Variants in DNAH7 observed in about 807,000 individuals in gnomAD.
The protein encoded by DNAH7 is dynein axonemal heavy chain 7, also known as axonemal beta dynein heavy chain 7.
In DNAH7, 397 loss-of-function variants were observed where a neutral mutation model predicts 444.6. The ratio of observed to expected loss-of-function variants is 0.89; its 90% CI spans 0.82 to 0.97. The LOEUF is 0.97. Among genes scored for constraint, DNAH7 ranks in the 50% least tolerant of loss-of-function variants. The pLI, the probability that DNAH7 is intolerant of heterozygous loss-of-function variation, is 0.00. For synonymous variants in DNAH7, 1,636 were observed against 1,624.4 expected (o/e 1.01, Z -0.17); for missense variants, 4,902 against 4,800.8 (o/e 1.02, Z -0.62).
Position 195,796,802 on chromosome 2 carries a change from T to A in DNAH7, c.10354-65A>T, listed in dbSNP as rs1696163844. On this transcript the variant is annotated intron_variant, in intron 55 of 64. Transcript: ENST00000312428. ...TTTTAAGAAACATCAATATTGTTTTTTTAAAAGTTAACATTGACTATATTA... is the reference window on the plus strand; with the variant it reads ...TTTTAAGAAACATCAATATTGTTTTATTAAAAGTTAACATTGACTATATTA... 10 of 1,518,654 alleles carry A rather than the reference T, an allele frequency of 6.6e-6. No individual in the cohort carries two copies. In the South Asian group the frequency reaches 1.3e-4, roughly 20 times the overall value. The allele number at this position is 1,518,654 out of a possible 1,614,324, so 94.1% of individuals were successfully genotyped here.
In DNAH7 at chr2:195,968,626, A is replaced by T. The variant is rs555225519; in HGVS notation, c.2205+1322T>A. Among the ~76,000 whole-genome samples the T allele has an allele frequency of 3.8e-4, 58 of 152,258 alleles. 1 individual carries two copies. The South Asian group carries it at 0.012, about 31-fold the overall frequency. On this transcript the variant is annotated intron_variant, in intron 17 of 64. Coordinates refer to ENST00000312428, the MANE Select transcript of DNAH7 (RefSeq NM_018897.3). ...ATAAGCACTTCCTCAGCCACCCTGC[A>T]TGGTGTCTCCTTAGGTCACATGTTA...
At chr2:195,903,228 A>G (rs1686812425) in intron 27 of DNAH7, 1 of 151,496 alleles carries the variant, frequency 6.6e-6, no homozygotes. Flanking sequence ...AAAGGACTAC[A>G]TATTGGTACA....
intron 61 of DNAH7, among the ~76,000 whole-genome samples, chr2:195,762,388 G>A (rs1448192720): frequency 6.6e-6 from 1 of 152,100 alleles, no homozygotes; most frequent in Non-Finnish European, 1.5e-5. Flanking sequence ...CAATAATAAT[G>A]TTGAATGTAA....
At chr2:195,898,727 G>A (rs1686505278) in intron 28 of DNAH7, among the ~76,000 whole-genome samples, 1 of 152,276 alleles carries the variant, frequency 6.6e-6, no homozygotes, top group East Asian at 1.9e-4. Flanking sequence ...CAGAGAGAGT[G>A]GAGACGGCTG....
Position 195,910,061 on chromosome 2 carries a change from C to T in DNAH7, c.4070G>A (p.Gly1357Glu), listed in dbSNP as rs371125615. ...KQCVVFNCSD[G>E]LDYLALGKFF... ...TTTTCCCAAAGCCAAATAATCCAAC[C>T]CATCAGAGCAGTTGAAAACAACACA... Residue 1357 changes from glycine to glutamate, a missense_variant, in exon 25 of 65, where the codon GGG becomes GAG. Gly to Glu is a moderately conservative substitution (Grantham distance 98). Coordinates refer to ENST00000312428, the MANE Select transcript of DNAH7 (RefSeq NM_018897.3). 3 of 1,612,688 alleles carry T rather than the reference C, an allele frequency of 1.9e-6. No homozygotes were observed. The highest frequency in any genetic ancestry group is 1.3e-5 in the African/African-American group (1 of 74,832).
At chr2:195,894,378 A>G (rs1702187115) in intron 30 of DNAH7, 2 of 152,198 alleles carry the variant, frequency 1.3e-5, no homozygotes, top group South Asian at 2.1e-4. Flanking sequence ...GTAAAGATAT[A>G]ATCATCACAA....
intron 2 of DNAH7, among the ~76,000 whole-genome samples, chr2:196,054,151 GAA>G (rs1697657819): frequency 6.6e-6 from 1 of 152,126 alleles, no homozygotes; most frequent in Admixed American, 6.5e-5. Flanking sequence ...GACCAAAATC[GAA>G]AAAGTTTACA....
At chr2:195,792,101 A>G (rs1303351646) in intron 57 of DNAH7, among the ~76,000 whole-genome samples, 1 of 125,722 alleles carries the variant, frequency 8.0e-6, no homozygotes, top group Non-Finnish European at 1.6e-5. Context: ...CAAGAGGTGG[A>G]GGTTGCAGTG....
At chr2:195,802,328 T>A (rs530754620) in intron 54 of DNAH7, among the ~76,000 whole-genome samples, 3 of 152,274 alleles carry the variant, frequency 2.0e-5, no homozygotes, top group Admixed American at 2.0e-4. Context: ...CTGGCCAACA[T>A]GGTGAAACCC....
chr2:195,744,561 C>T (rs1447928286), intron 63 of DNAH7, among the ~76,000 whole-genome samples: 1 of 152,210 alleles, frequency 6.6e-6, no homozygotes, highest in Admixed American at 6.5e-5. Flanking sequence ...TCAAGTGGGT[C>T]CCTGACCCCT....
intron 24 of DNAH7, among the ~76,000 whole-genome samples, chr2:195,919,249 A>AG (rs1162821682): frequency 1.3e-5 from 2 of 151,928 alleles, no homozygotes; most frequent in Non-Finnish European, 2.9e-5. Context: ...AAAAAAAAAA[A>AG]AAAGATGTTA....
At chr2:195,780,703 A>G (rs990277726) in intron 58 of DNAH7, among the ~76,000 whole-genome samples, 2 of 152,096 alleles carry the variant, frequency 1.3e-5, no homozygotes, top group African/African-American at 4.8e-5. Flanking sequence ...GTGAGCCGAG[A>G]TCGTGCCACT....
In DNAH7 at chr2:195,775,895, T is replaced by C. The variant is rs1317990143; in HGVS notation, c.11153A>G (p.Lys3718Arg). The change falls in exon 60 of 65, where the codon AAG becomes AGG. Residue 3718 changes from lysine (K) to arginine (R), a missense_variant. Lys to Arg is a conservative substitution (Grantham distance 26). Transcript: ENST00000312428. ...FGMNANADIT[K>R]DQSETQLLFD... ...TAGCAGCTGAGTTTCTGACTGATCCTTAGTGATATCTGCATTGGCATTCAT... is the reference window on the plus strand; with the variant it reads ...TAGCAGCTGAGTTTCTGACTGATCCCTAGTGATATCTGCATTGGCATTCAT... The C allele has an allele frequency of 3.7e-6, 6 of 1,614,186 alleles. No individual in the cohort carries two copies. Among genetic ancestry groups the C allele is most frequent in the Non-Finnish European group, 5.1e-6 (6 of 1,180,030 alleles).
intron 47 of DNAH7, among the ~76,000 whole-genome samples, chr2:195,838,029 T>C (rs1442520181): frequency 3.3e-5 from 5 of 152,118 alleles, no homozygotes; most frequent in Non-Finnish European, 7.4e-5. Flanking sequence ...TGTGCATGCA[T>C]GGAACACTTC....
Position 195,786,998 on chromosome 2 carries a change from T to A in DNAH7, c.10878+12A>T. The A allele has an allele frequency of 6.4e-7, 1 of 1,556,116 alleles. No homozygotes were observed. Among genetic ancestry groups the A allele is most frequent in the Non-Finnish European group, 8.7e-7 (1 of 1,155,616 alleles). On this transcript the variant is annotated intron_variant, in intron 58 of 64. Coordinates refer to ENST00000312428, the MANE Select transcript of DNAH7 (RefSeq NM_018897.3). ...AACATAGGTAATGTCCTTGCTGTGATTTTTATGATACCTCATACTGGTTCA... is the reference window on the plus strand; with the variant it reads ...AACATAGGTAATGTCCTTGCTGTGAATTTTATGATACCTCATACTGGTTCA...
chr2:195,842,888 C>T (rs1414179247), intron 47 of DNAH7, among the ~76,000 whole-genome samples: 1 of 152,082 alleles, frequency 6.6e-6, no homozygotes, highest in Non-Finnish European at 1.5e-5. Flanking sequence ...ATGGTGGATA[C>T]AGTGGTTATA....
intron 59 of DNAH7, among the ~76,000 whole-genome samples, chr2:195,776,497 T>C (rs1695069477): frequency 6.6e-6 from 1 of 151,418 alleles, no homozygotes; most frequent in Admixed American, 6.6e-5. Context: ...AAAAAGAAAA[T>C]GTACCTTTCA....
At chr2:196,048,770 T>C (rs1263100978) in intron 3 of DNAH7, among the ~76,000 whole-genome samples, 2 of 132,064 alleles carry the variant, frequency 1.5e-5, no homozygotes, top group Non-Finnish European at 3.5e-5. Flanking sequence ...GTCTTCCTGT[T>C]CTCATGGCTG....
At position 195,934,801 on chromosome 2, in the gene DNAH7, A is replaced by G. The variant is rs1323361781; in HGVS notation, c.3273-12T>C. 1 of 1,613,710 alleles carries G rather than the reference A, an allele frequency of 6.2e-7. No homozygotes were observed. Among genetic ancestry groups the G allele is most frequent in the Admixed American group, 1.7e-5 (1 of 59,956 alleles). On this transcript the variant is annotated splice_polypyrimidine_tract_variant and intron_variant, in intron 20 of 64. Coordinates refer to ENST00000312428, the MANE Select transcript of DNAH7 (RefSeq NM_018897.3). ...AGTGAGGTTGCACCCTGTCAGGAAA[A>G]ACATTTTTAAGATAATTAACCAAGT...
Sources: allele counts gnomAD v4.1 joint callset (sites outside exome capture counted in the v4.1 genomes callset), GRCh38; gene constraint gnomAD v4.1.1; transcripts MANE v1.5; gene names NCBI Gene and HGNC (gene_info 2026-07-23, HGNC 2026-07-21).